The following CBLB variants were observed in gnomAD, a reference collection of about 807,000 sequenced individuals.
CBLB encodes E3 ubiquitin-protein ligase CBL-B.
Under a neutral mutation model 104.9 loss-of-function variants are expected in CBLB, and 31 were observed. The ratio of observed to expected loss-of-function variants is 0.30; its 90% confidence interval spans 0.22 to 0.40. The LOEUF is 0.40. Among genes scored for constraint, CBLB ranks in the 10% least tolerant of loss-of-function variants. CBLB has a pLI of 1.00. For missense variants in CBLB, 1,062 were observed against 1,214.6 expected (o/e 0.87, Z 1.87); for synonymous variants, 440 against 422.6 (o/e 1.04, Z -0.51).
chr3:105,733,965 A>C, intron 9 of CBLB, 44 bp downstream of exon 9: 1 of 1,575,962 alleles, frequency 6.3e-7, no homozygotes, highest in Non-Finnish European at 8.7e-7. Flanking sequence ...GAGAAATATT[A>C]GTAGGACATA....
chr3:105,669,314 T>A (rs1234557683), intron 18 of CBLB, among the ~76,000 whole-genome samples: 1 of 152,194 alleles, frequency 6.6e-6, no homozygotes, highest in African/African-American at 2.4e-5. Context: ...AGTTTCCTTA[T>A]GAAACAGATC....
rs533146409 is a variant in CBLB at position 105,689,078 on chromosome 3, A to G, written c.2055-3612T>C. On this transcript the variant is annotated intron_variant, in intron 13 of 18. Coordinates refer to ENST00000394030, the MANE Select transcript of CBLB (RefSeq NM_170662.5). The stretch of plus-strand genomic sequence containing the variant: ...AGTATAAACCTCTCTATCATTATTT[A>G]TCCTCTTCCCTGCTTATTTTTCCTC... Among the ~76,000 whole-genome samples, 26 of 152,180 alleles carry G rather than the reference A, an allele frequency of 1.7e-4. 1 individual carries two copies. The South Asian group carries it at 5.4e-3, about 32-fold the overall frequency.
chr3:105,778,438 C>T (rs2079746489), intron 3 of CBLB, among the ~76,000 whole-genome samples: 2 of 152,054 alleles, frequency 1.3e-5, no homozygotes, highest in South Asian at 2.1e-4. Flanking sequence ...AGATACATAA[C>T]TTCCTGTATA....
rs771425628 is a variant in CBLB at position 105,853,495 on chromosome 3, C to T, written c.338G>A (p.Ser113Asn). Reference sequence around the variant, plus strand: ...TGCCCGTTTTGACTTTTTCATAAGGCTATCAATGTAGATTTTAAAGTACTC... The same window carrying T: ...TGCCCGTTTTGACTTTTTCATAAGGTTATCAATGTAGATTTTAAAGTACTC... ...ENEYFKIYID[S>N]LMKKSKRAIR... is the part of the protein sequence containing the mutation. The change falls in exon 3 of 19, where the codon AGC becomes AAC. Residue 113 changes from serine (S) to asparagine (N), a missense_variant. Around this residue, in one of 2 missense-constraint regions of CBLB, gnomAD observed 457 missense variants for 632.0 expected, o/e 0.72. Transcript: ENST00000394030. 6 of 1,613,362 alleles carry T rather than the reference C, an allele frequency of 3.7e-6. No homozygotes were observed. In the South Asian group the frequency reaches 4.4e-5, roughly 12 times the overall value.
At chr3:105,735,206 C>T (rs1216331770) in intron 8 of CBLB, among the ~76,000 whole-genome samples, 1 of 152,094 alleles carries the variant, frequency 6.6e-6, no homozygotes, top group Non-Finnish European at 1.5e-5. Context: ...GATACATATG[C>T]ATGTACATGC....
At chr3:105,732,163 A>G (rs1272567182) in intron 9 of CBLB, among the ~76,000 whole-genome samples, 1 of 152,216 alleles carries the variant, frequency 6.6e-6, no homozygotes, top group African/African-American at 2.4e-5. Flanking sequence ...CAGGTACACC[A>G]ATCCTAAGTA....
At position 105,658,108 on chromosome 3, in the gene CBLB, T is replaced by C; in HGVS notation, c.*862A>G. 1 of 216,832 alleles carries C rather than the reference T, an allele frequency of 4.6e-6. No individual in the cohort carries two copies. The highest frequency in any genetic ancestry group is 6.8e-5 in the East Asian group (1 of 14,642). The allele number at this position is 216,832 out of a possible 1,614,324, so 13.4% of individuals were successfully genotyped here. A position where few individuals can be genotyped will look rare whatever the true frequency, so the allele number is the denominator to read the frequency against. On this transcript the variant is annotated 3_prime_UTR_variant, in exon 19 of 19. Transcript: ENST00000394030. ...AGGGGACCTTGTTATATAACTTCAG[T>C]ACAGCATTGTCTTATACAAGTGTTC...
intron 2 of CBLB, 59 bp downstream of exon 2, chr3:105,867,351 G>A: frequency 6.9e-7 from 1 of 1,458,162 alleles, no homozygotes; most frequent in Non-Finnish European, 9.6e-7. Context: ...AAATAAATCT[G>A]GAGAAACCAC....
intron 2 of CBLB, among the ~76,000 whole-genome samples, chr3:105,864,426 C>T (rs2153154627): frequency 6.6e-6 from 1 of 152,306 alleles, no homozygotes; most frequent in African/African-American, 2.4e-5. Context: ...TTCTGGCGCA[C>T]TTGAACCTAG....
chr3:105,665,553 T>A (rs1008269187), intron 18 of CBLB, among the ~76,000 whole-genome samples: 2 of 146,858 alleles, frequency 1.4e-5, no homozygotes, highest in African/African-American at 5.0e-5. Flanking sequence ...AATAAATTTA[T>A]ATTTATATCT....
At chr3:105,714,568 G>A (rs1458977771) in intron 10 of CBLB, among the ~76,000 whole-genome samples, 1 of 152,114 alleles carries the variant, frequency 6.6e-6, no homozygotes, top group Non-Finnish European at 1.5e-5. Flanking sequence ...ATACTCCTTT[G>A]AGAATCTGAT....
At chr3:105,758,687 G>A (rs1002958235) in intron 4 of CBLB, among the ~76,000 whole-genome samples, 1 of 152,246 alleles carries the variant, frequency 6.6e-6, no homozygotes, top group Non-Finnish European at 1.5e-5. Flanking sequence ...ACTGGCTGCT[G>A]TAGCAGGGCG....
In CBLB at chr3:105,704,146, T is replaced by C; in HGVS notation, c.1435A>G (p.Thr479Ala). The C allele has an allele frequency of 1.2e-6, 2 of 1,614,120 alleles. No individual in the cohort carries two copies. Among genetic ancestry groups the C allele is most frequent in the Non-Finnish European group, 1.7e-6 (2 of 1,180,018 alleles). ...KCTDRQNSPV[T>A]SPGSSPLAQR... The stretch of plus-strand genomic sequence containing the variant: ...GCAAGGGGAGAGGATCCTGGTGATG[T>C]GACTGGTGAGTTCTGCCTGTCAGTG... The change falls in exon 11 of 19, where the codon ACA becomes GCA. Residue 479 changes from threonine to alanine, a missense_variant. By Grantham distance (58) the Thr-to-Ala change is moderately conservative. Around this residue, in one of 2 missense-constraint regions of CBLB, gnomAD observed 457 missense variants for 632.0 expected, o/e 0.72. Coordinates refer to ENST00000394030, the MANE Select transcript of CBLB (RefSeq NM_170662.5).
intron 3 of CBLB, among the ~76,000 whole-genome samples, chr3:105,828,478 ATT>A (rs1418574324): frequency 6.6e-6 from 1 of 152,164 alleles, no homozygotes; most frequent in Non-Finnish European, 1.5e-5. Flanking sequence ...AAGATTTTTA[ATT>A]TTTGTCTTTT....
At position 105,677,479 on chromosome 3, in the gene CBLB, G is replaced by C. The variant is rs565970638; in HGVS notation, c.2569+952C>G. Among the ~76,000 whole-genome samples the C allele has an allele frequency of 1.1e-4, 17 of 151,878 alleles. No individual in the cohort carries two copies. In the East Asian group the frequency reaches 3.3e-3, roughly 29 times the overall value. On this transcript the variant is annotated intron_variant, in intron 17 of 18. Transcript: ENST00000394030. ...TCCATGAGGCATATACGTAGCTAAA[G>C]GACAAACTGAGCACTTTTTAAAGAT...
intron 4 of CBLB, among the ~76,000 whole-genome samples, chr3:105,757,742 T>G (rs1489601617): frequency 1.3e-5 from 2 of 152,230 alleles, no homozygotes; most frequent in Non-Finnish European, 2.9e-5. Flanking sequence ...CATGTTTGTT[T>G]ATTGTTGGTT....
intron 4 of CBLB, among the ~76,000 whole-genome samples, chr3:105,773,882 A>T (rs2079152993): frequency 6.6e-6 from 1 of 152,214 alleles, no homozygotes; most frequent in South Asian, 2.1e-4. Flanking sequence ...GCCATGATAC[A>T]TGTGTTACTG....
intron 4 of CBLB, among the ~76,000 whole-genome samples, chr3:105,763,251 T>C (rs113091336): frequency 1.2e-3 from 179 of 152,302 alleles, no homozygotes; most frequent in African/African-American, 4.1e-3. Context: ...CTGTGGACTT[T>C]TGAGTTAATG....
chr3:105,841,538 C>T (rs917142458), intron 3 of CBLB, among the ~76,000 whole-genome samples: 1 of 150,246 alleles, frequency 6.7e-6, no homozygotes, highest in African/African-American at 2.5e-5. Flanking sequence ...CTGCAAGCTC[C>T]GCCTCCCGGA....
Sources: gnomAD v4.1 joint callset for allele counts (sites outside exome capture counted in the v4.1 genomes callset) on GRCh38, gnomAD v4.1.1 for gene constraint, gnomAD v4.1.1 regional missense constraint, MANE v1.5 for transcripts, NCBI Gene and HGNC (gene_info 2026-07-23, HGNC 2026-07-21) for gene names.